SEC62: variants seen among roughly 807,000 people sequenced by gnomAD.
The protein encoded by SEC62 is translocation protein SEC62.
In SEC62, 10 loss-of-function variants were observed where a neutral mutation model predicts 47.5. The ratio of observed to expected loss-of-function variants is 0.21; its 90% CI spans 0.13 to 0.36. SEC62 has a LOEUF of 0.36. Ranked by LOEUF, SEC62 falls within the 10% of genes least tolerant of loss-of-function variation. SEC62 has a pLI of 1.00. For synonymous variants in SEC62, 136 were observed against 150.5 expected (o/e 0.90, Z 0.71); for missense variants, 327 against 464.1 (o/e 0.70, Z 2.71).
Position 169,966,833 on chromosome 3 carries a change from G to T in SEC62, c.11G>T (p.Arg4Leu). 1 of 1,555,194 alleles carries T rather than the reference G, an allele frequency of 6.4e-7. No individual in the cohort carries two copies. Among genetic ancestry groups the T allele is most frequent in the Admixed American group, 1.9e-5 (1 of 51,402 alleles). MAE[R>L]RRHKKRIQEV... ...GGCGGAGCGGCCAACATGGCGGAAC[G>T]CAGGAGACACAAGAAGCGGATCCAG... Residue 4 changes from arginine to leucine, a missense_variant, in exon 1 of 8, where the codon CGC becomes CTC. This residue lies in a region of SEC62 where 126 missense variants were observed against 161.2 expected (regional missense o/e 0.78). Transcript: ENST00000337002.
chr3:169,986,567 C>A (rs139988129), intron 6 of SEC62, among the ~76,000 whole-genome samples: 12 of 152,008 alleles, frequency 7.9e-5, no homozygotes, highest in Non-Finnish European at 1.5e-4. Context: ...AAGTTACAGA[C>A]GAGTAAGAAT....
rs989378654 is a variant in SEC62 at position 169,997,091 on chromosome 3, A to G, written c.*4028A>G. The G allele has an allele frequency of 2.0e-5, 3 of 152,224 alleles. No homozygotes were observed. The highest frequency in any genetic ancestry group is 7.2e-5 in the African/African-American group (3 of 41,446). The allele number at this position is 152,224 out of a possible 1,614,324, so 9.4% of individuals were successfully genotyped here. On this transcript the variant is annotated 3_prime_UTR_variant, in exon 8 of 8. Coordinates refer to ENST00000337002, the MANE Select transcript of SEC62 (RefSeq NM_003262.4). ...GTCATGCAGATAACTACACAAGGAG[A>G]TTAATTTAAATTTGCCTTCTTTGGC...
chr3:169,971,689 T>C, intron 1 of SEC62, among the ~76,000 whole-genome samples: 1 of 152,226 alleles, frequency 6.6e-6, no homozygotes, highest in East Asian at 1.9e-4. Context: ...ATTTTGTGCA[T>C]ACATATCAGG....
At position 169,996,590 on chromosome 3, in the gene SEC62, T is replaced by G. The variant is rs1715382015; in HGVS notation, c.*3527T>G. The stretch of plus-strand genomic sequence containing the variant: ...AATGGACCACAGCAGTGGGCTCCTA[T>G]GCCTCCTGGCTTCTGAGTGGGTTTG... On this transcript the variant is annotated 3_prime_UTR_variant, in exon 8 of 8. Transcript: ENST00000337002. The G allele has an allele frequency of 6.6e-6, 1 of 152,514 alleles. No homozygotes were observed. Among genetic ancestry groups the G allele is most frequent in the East Asian group, 1.9e-4 (1 of 5,178 alleles). The allele number at this position is 152,514 out of a possible 1,614,324, so 9.4% of individuals were successfully genotyped here. A position where few individuals can be genotyped will look rare whatever the true frequency, so the allele number is the denominator to read the frequency against.
At chr3:169,973,773 G>A (rs1714763643) in intron 1 of SEC62, among the ~76,000 whole-genome samples, 1 of 152,064 alleles carries the variant, frequency 6.6e-6, no homozygotes, top group Admixed American at 6.6e-5. Context: ...GAGTGATTTG[G>A]GCTCTTAATT....
chr3:169,976,895 G>T, intron 2 of SEC62, 51 bp from the exon 3 acceptor site: 1 of 1,231,018 alleles, frequency 8.1e-7, no homozygotes, highest in South Asian at 1.5e-5. Flanking sequence ...TATTTAGATA[G>T]ACATAAATCC....
intron 1 of SEC62, among the ~76,000 whole-genome samples, chr3:169,968,078 G>C (rs1253398616): frequency 5.3e-5 from 8 of 152,070 alleles, no homozygotes; most frequent in Admixed American, 5.2e-4. Flanking sequence ...GGCAGATTTC[G>C]AGTTCAGACA....
chr3:169,982,029 A>G (rs1478747538), intron 3 of SEC62, among the ~76,000 whole-genome samples: 1 of 152,218 alleles, frequency 6.6e-6, no homozygotes, highest in Non-Finnish European at 1.5e-5. Flanking sequence ...AAATATAGTA[A>G]TAACTGATAA....
At chr3:169,975,472 G>C (rs1468839424) in intron 1 of SEC62, 136 bp from the exon 2 acceptor site, 4 of 543,858 alleles carry the variant, frequency 7.4e-6, no homozygotes, top group Non-Finnish European at 1.3e-5. Context: ...ACTTTATTAG[G>C]TCGCTCCAGA....
chr3:169,974,816 A>C (rs940714013), intron 1 of SEC62, among the ~76,000 whole-genome samples: 6 of 151,814 alleles, frequency 4.0e-5, no homozygotes, highest in Non-Finnish European at 8.8e-5. Flanking sequence ...GGCAGCTGTC[A>C]TTGATTAATT....
At chr3:169,985,728 C>G (rs918672950) in intron 5 of SEC62, 77 bp from the exon 6 acceptor site, 184 of 1,177,540 alleles carry the variant, frequency 1.6e-4, no homozygotes, top group Non-Finnish European at 4.3e-5. Flanking sequence ...TTTAAGGGAC[C>G]TAAAATATAG....
chr3:169,992,868 G>A lies in SEC62; in HGVS notation c.1005G>A (p.Ser335=), dbSNP rs772239121. The stretch of plus-strand genomic sequence containing the variant: ...CAGGAAATCATGGAACAGAAGGCTC[G>A]GGGGGAGAACGGCATTCAGACACGG... ...VGPGNHGTEG[S]GGERHSDTDS... is the part of the protein sequence containing the mutation. Residue 335 remains serine, a synonymous_variant, in exon 8 of 8, where the codon TCG becomes TCA. Transcript: ENST00000337002. This position sits in a 1 kb window ranked among gnomAD's most constrained non-coding sequence, Gnocchi z 4.0. The A allele has an allele frequency of 1.7e-5, 28 of 1,613,872 alleles. No individual in the cohort carries two copies. The highest frequency in any genetic ancestry group is 1.6e-4 in the Middle Eastern group (1 of 6,084).
intron 2 of SEC62, among the ~76,000 whole-genome samples, chr3:169,976,262 C>T (rs751338573): frequency 6.6e-6 from 1 of 151,984 alleles, no homozygotes; most frequent in Non-Finnish European, 1.5e-5. Flanking sequence ...TGATGGCATG[C>T]GCCTCTGAAG....
chr3:169,987,378 C>T (rs762222750), intron 6 of SEC62, among the ~76,000 whole-genome samples: 2 of 152,150 alleles, frequency 1.3e-5, no homozygotes, highest in Non-Finnish European at 2.9e-5. Flanking sequence ...AAGATCATGC[C>T]ACTGTACTGC....
At chr3:169,982,620 T>C (rs1276684471) in intron 3 of SEC62, 87 bp from the exon 4 acceptor site, 2 of 1,500,478 alleles carry the variant, frequency 1.3e-6, no homozygotes, top group Non-Finnish European at 1.8e-6. Flanking sequence ...ATGCCTTCCT[T>C]TGCTTATTTT....
intron 1 of SEC62, among the ~76,000 whole-genome samples, chr3:169,973,289 G>A (rs1714746800): frequency 6.6e-6 from 1 of 152,112 alleles, no homozygotes; most frequent in Non-Finnish European, 1.5e-5. Flanking sequence ...TTTGCAGTCA[G>A]GCCTCAAATA....
intron 1 of SEC62, among the ~76,000 whole-genome samples, chr3:169,970,226 A>G (rs1714664214): frequency 6.6e-6 from 1 of 152,232 alleles, no homozygotes; most frequent in African/African-American, 2.4e-5. Flanking sequence ...ATACTCTTGT[A>G]TAGTGTTATT....
rs1289527662 is a variant in SEC62, at chr3:169,997,239, A to C, written c.*4176A>C. ...GATACTTTAATTGCATGGCTTTTCC[A>C]ATCAGACGAAATTTCAGTCTGAGAG... On this transcript the variant is annotated 3_prime_UTR_variant, in exon 8 of 8. Coordinates refer to ENST00000337002, the MANE Select transcript of SEC62 (RefSeq NM_003262.4). 1 of 152,240 alleles carries C rather than the reference A, an allele frequency of 6.6e-6. No homozygotes were observed. Among genetic ancestry groups the C allele is most frequent in the Non-Finnish European group, 1.5e-5 (1 of 68,044 alleles). The allele number at this position is 152,240 out of a possible 1,614,324, so 9.4% of individuals were successfully genotyped here. A position where few individuals can be genotyped will look rare whatever the true frequency, so the allele number is the denominator to read the frequency against.
chr3:169,984,648 T>TA lies in SEC62; in HGVS notation c.550-1150dup, dbSNP rs570730246. 2.6e-5 allele frequency among the ~76,000 whole-genome samples: 4 copies of TA among 152,286 alleles called. No individual in the cohort carries two copies. The South Asian group carries it at 6.2e-4, about 24-fold the overall frequency. ...TTTTAAAGTTGTGAAATATCTTTTT[T>TA]AAAAAAACATGTTTTTTTAGAATGG... is the stretch of plus-strand genomic sequence containing the variant. On this transcript the variant is annotated intron_variant, in intron 5 of 7. Transcript: ENST00000337002.
Sources: gnomAD v4.1 joint callset for allele counts (sites outside exome capture counted in the v4.1 genomes callset) on GRCh38, gnomAD v4.1.1 for gene constraint, gnomAD v4.1.1 regional missense constraint, Gnocchi (gnomAD v3.1) non-coding constraint, MANE v1.5 for transcripts, NCBI Gene and HGNC (gene_info 2026-07-23, HGNC 2026-07-21) for gene names.